TUSC3: variants seen among roughly 807,000 people sequenced by gnomAD.
The protein encoded by TUSC3 is tumor suppressor candidate 3.
TUSC3 carries 45 observed loss-of-function variants against 44.8 expected under a neutral mutation model. The observed-to-expected ratio is 1.00, with a 90% CI of 0.79 to 1.29. The LOEUF (loss-of-function observed/expected upper bound fraction) is 1.29. Ranked by LOEUF, TUSC3 falls within the 50% of genes most tolerant of loss-of-function variation. The probability of loss-of-function intolerance (pLI) is 0.00; values close to 1 mark genes in which losing one functional copy is unlikely to be tolerated. For missense variants in TUSC3, 519 were observed against 437.9 expected, an observed-to-expected ratio of 1.19 and a Z score of -1.65; for synonymous variants, 212 against 152.9, an observed-to-expected ratio of 1.39 and a Z score of -2.85.
chr8:15,680,286 T>G (rs140876478), intron 6 of TUSC3, among the ~76,000 whole-genome samples: 1 of 151,976 alleles, frequency 6.6e-6, no homozygotes, highest in Non-Finnish European at 1.5e-5. Flanking sequence ...GTTGTCCTTA[T>G]AGAGATCTTT....
At chr8:15,797,515 T>C in the TUSC3 span, among the ~76,000 whole-genome samples, 10,365 of 152,212 alleles carry the variant, frequency 0.068, 620 homozygotes, top group African/African-American at 0.15. Flanking sequence ...CTAGAGGAAG[T>C]GTGATAATGC....
chr8:15,659,281 A>C (rs1807313926), intron 3 of TUSC3, among the ~76,000 whole-genome samples: 1 of 152,120 alleles, frequency 6.6e-6, no homozygotes, highest in African/African-American at 2.4e-5. Context: ...CATAATTTGA[A>C]TGATGTATGT....
intron 1 of TUSC3, among the ~76,000 whole-genome samples, chr8:15,425,482 A>G (rs905340752): frequency 1.9e-4 from 29 of 152,344 alleles, no homozygotes; most frequent in African/African-American, 7.0e-4. Flanking sequence ...TTATTGGGGT[A>G]TAAGAAGATG....
At chr8:15,493,446 A>G (rs375335158) in intron 2 of TUSC3, among the ~76,000 whole-genome samples, 4 of 152,058 alleles carry the variant, frequency 2.6e-5, no homozygotes, top group African/African-American at 7.2e-5. Context: ...TATTTTTTGC[A>G]TAGACAAGAT....
intron 3 of TUSC3, chr8:15,651,061 T>C: frequency 2.2e-6 from 1 of 448,940 alleles, no homozygotes; most frequent in Non-Finnish European, 4.0e-6. Flanking sequence ...ATACAATAAG[T>C]AGTTATAATA....
chr8:15,598,372 C>T (rs1804152002), intron 1 of TUSC3, among the ~76,000 whole-genome samples: 1 of 151,914 alleles, frequency 6.6e-6, no homozygotes, highest in South Asian at 2.1e-4. Context: ...TTTAATATAT[C>T]TCTTGCCTCC....
the TUSC3 span, among the ~76,000 whole-genome samples, chr8:15,771,922 A>G: frequency 6.6e-6 from 1 of 152,116 alleles, no homozygotes; most frequent in South Asian, 2.1e-4. Flanking sequence ...CCCCATCTCT[A>G]CTAAAAAATA....
At chr8:15,418,360 T>TC (rs1241555488) in intron 1 of TUSC3, among the ~76,000 whole-genome samples, 1 of 152,190 alleles carries the variant, frequency 6.6e-6, no homozygotes, top group Non-Finnish European at 1.5e-5. Flanking sequence ...GCATTTTTTT[T>TC]CAAACAAAAT....
intron 2 of TUSC3, among the ~76,000 whole-genome samples, 200 bp from the exon 3 acceptor site, chr8:15,650,497 T>C (rs1373441431): frequency 1.3e-5 from 2 of 152,208 alleles, no homozygotes; most frequent in Admixed American, 1.3e-4. Context: ...ACTGTAGTTA[T>C]GAACATCAGA....
chr8:15,772,075 C>A, the TUSC3 span, among the ~76,000 whole-genome samples: 1 of 151,672 alleles, frequency 6.6e-6, no homozygotes, highest in African/African-American at 2.4e-5. Context: ...GGCCACAGAG[C>A]AAGACTCCGT....
intron 7 of TUSC3, among the ~76,000 whole-genome samples, chr8:15,742,342 C>T (rs992480999): frequency 1.2e-4 from 16 of 137,874 alleles, no homozygotes; most frequent in African/African-American, 3.7e-4. Context: ...TTTGAAAAAC[C>T]GTTTGTATAG....
chr8:15,640,815 CAG>C (rs1806332224), intron 2 of TUSC3, among the ~76,000 whole-genome samples: 1 of 152,132 alleles, frequency 6.6e-6, no homozygotes, highest in African/African-American at 2.4e-5. Context: ...CTCATTATCT[CAG>C]AGTCTAGTTC....
chr8:15,462,874 A>G (rs570638276), intron 1 of TUSC3, among the ~76,000 whole-genome samples: 11 of 152,246 alleles, frequency 7.2e-5, no homozygotes, highest in African/African-American at 2.6e-4. Context: ...GCCAAGGGAA[A>G]GAGAATTTAC....
intron 2 of TUSC3, among the ~76,000 whole-genome samples, chr8:15,493,157 A>T (rs1800832639): frequency 6.6e-6 from 1 of 152,246 alleles, no homozygotes; most frequent in Non-Finnish European, 1.5e-5. Flanking sequence ...TAACTTATCC[A>T]AAGTGACAAA....
the TUSC3 span, among the ~76,000 whole-genome samples, chr8:15,814,448 C>T: frequency 6.6e-6 from 1 of 152,100 alleles, no homozygotes; most frequent in Non-Finnish European, 1.5e-5. Flanking sequence ...AACATAGATG[C>T]CTGATTTTAA....
intron 6 of TUSC3, among the ~76,000 whole-genome samples, chr8:15,693,393 G>T (rs1264071317): frequency 7.0e-6 from 1 of 143,770 alleles, no homozygotes; most frequent in Non-Finnish European, 1.5e-5. Flanking sequence ...TTACTTATTT[G>T]CTTATGAAGC....
At chr8:15,850,202 T>C in the TUSC3 span, among the ~76,000 whole-genome samples, 1 of 152,032 alleles carries the variant, frequency 6.6e-6, no homozygotes, top group South Asian at 2.1e-4. Context: ...TTTATGGTGC[T>C]CTAAGACTAT....
chr8:15,708,444 A>AAATTT (rs1416300226), intron 6 of TUSC3, among the ~76,000 whole-genome samples: 1 of 151,974 alleles, frequency 6.6e-6, no homozygotes, highest in Non-Finnish European at 1.5e-5. Flanking sequence ...GAAAGACTTA[A>AAATTT]AAGACTAGTC....
At chr8:15,818,712 G>A in the TUSC3 span, among the ~76,000 whole-genome samples, 1 of 152,208 alleles carries the variant, frequency 6.6e-6, no homozygotes, top group African/African-American at 2.4e-5. Flanking sequence ...CTATGACTGG[G>A]AGGTATGCTT....
Sources: gnomAD v4.1 joint callset for allele counts (sites outside exome capture counted in the v4.1 genomes callset) on GRCh38, gnomAD v4.1.1 for gene constraint, MANE v1.5 for transcripts, NCBI Gene and HGNC (gene_info 2026-07-23, HGNC 2026-07-21) for gene names.